Variants in PRMT3 observed in about 807,000 individuals in gnomAD.
PRMT3 encodes protein arginine N-methyltransferase 3.
A neutral mutation model predicts 71.9 loss-of-function variants in PRMT3; 62 were observed. That is an observed-to-expected ratio of 0.86 (90% CI 0.70 to 1.07). The LOEUF is 1.07. PRMT3 is among the 50% of genes least tolerant of loss of function. PRMT3 has a pLI of 0.00. For missense variants in PRMT3, 663 were observed against 643.0 expected (o/e 1.03, Z -0.34); for synonymous variants, 213 against 220.4 (o/e 0.97, Z 0.30).
chr11:20,477,673 G>A (rs1377193266), intron 13 of PRMT3, among the ~76,000 whole-genome samples: 1 of 152,074 alleles, frequency 6.6e-6, no homozygotes, highest in African/African-American at 2.4e-5. Context: ...AGATTTTCTT[G>A]AGGTACCTGA....
rs1188688863 is a variant in PRMT3, at chr11:20,508,599, G to A, written c.*186G>A. The stretch of plus-strand genomic sequence containing the variant: ...GTTCAGCTGAGGAAGAGAATCAGCT[G>A]ATCCTCATGGTCTGCCACGTAATCA... On this transcript the variant is annotated 3_prime_UTR_variant, in exon 16 of 16. Coordinates refer to ENST00000331079, the MANE Select transcript of PRMT3 (RefSeq NM_005788.4). The A allele has an allele frequency of 4.3e-6, 3 of 689,708 alleles. No individual in the cohort carries two copies. Among genetic ancestry groups the A allele is most frequent in the Non-Finnish European group, 8.0e-6 (3 of 375,580 alleles). 42.7% of individuals were successfully genotyped at this position (689,708 alleles called of 1,614,324 possible).
chr11:20,435,960 C>CACTTTCCATTTTTGGTGTGTTCCT (rs1197215584), intron 10 of PRMT3, among the ~76,000 whole-genome samples: 2 of 152,190 alleles, frequency 1.3e-5, no homozygotes, highest in Non-Finnish European at 2.9e-5. Context: ...AGCATGGGAT[C>CACTTTCCATTTTTGGTGTGTTCCT]ACTTTCCATT....
At chr11:20,426,958 T>C in intron 10 of PRMT3, 93 bp downstream of exon 10, 1 of 1,410,764 alleles carries the variant, frequency 7.1e-7, no homozygotes, top group East Asian at 3.1e-5. Flanking sequence ...ATTTGATACA[T>C]GGCAGAATGG....
At chr11:20,506,862 TGA>T (rs1374590233) in intron 15 of PRMT3, among the ~76,000 whole-genome samples, 2 of 152,182 alleles carry the variant, frequency 1.3e-5, no homozygotes, top group African/African-American at 4.8e-5. Flanking sequence ...AAAAATTAAA[TGA>T]GAAGTATTTA....
chr11:20,505,604 G>A (rs1458305325), intron 15 of PRMT3, among the ~76,000 whole-genome samples: 1 of 152,070 alleles, frequency 6.6e-6, no homozygotes, highest in Non-Finnish European at 1.5e-5. Flanking sequence ...GTGGCTGTTC[G>A]TTCCCAGTTT....
rs574087938 is a variant in PRMT3 at position 20,409,302 on chromosome 11, A to C, written c.893+1270A>C. 3.3e-5 allele frequency among the ~76,000 whole-genome samples: 5 copies of C among 152,306 alleles called. No homozygotes were observed. The East Asian group carries it at 9.7e-4, about 29-fold the overall frequency. ...AACCAGTACTTGGAACTTCGGTTAA[A>C]GTACATCTAACGTGTTAGAAATCTC... On this transcript the variant is annotated intron_variant, in intron 9 of 15. Transcript: ENST00000331079.
In PRMT3 at chr11:20,441,797, T is replaced by G. The variant is rs528526231; in HGVS notation, c.994-10333T>G. Among the ~76,000 whole-genome samples the G allele has an allele frequency of 4.0e-5, 6 of 150,912 alleles. No individual in the cohort carries two copies. The South Asian group carries it at 8.4e-4, about 21-fold the overall frequency. Reference sequence around the variant, plus strand: ...CCTACAATAGTTTCAGGTTTTTTTTTTTTTTTTTTTTTGAGATGGAGTTTT... The same window carrying G: ...CCTACAATAGTTTCAGGTTTTTTTTGTTTTTTTTTTTTGAGATGGAGTTTT... On this transcript the variant is annotated intron_variant, in intron 10 of 15. Coordinates refer to ENST00000331079, the MANE Select transcript of PRMT3 (RefSeq NM_005788.4).
chr11:20,446,157 C>T (rs1002839756), intron 10 of PRMT3, among the ~76,000 whole-genome samples: 1 of 151,992 alleles, frequency 6.6e-6, no homozygotes, highest in African/African-American at 2.4e-5. Flanking sequence ...AAGTACTGTA[C>T]TTTTCCAAAG....
At chr11:20,439,092 A>G (rs910217389) in intron 10 of PRMT3, among the ~76,000 whole-genome samples, 12 of 152,218 alleles carry the variant, frequency 7.9e-5, no homozygotes, top group East Asian at 5.8e-4. Context: ...CACTTCAGCC[A>G]TAGTTTCAAT....
intron 9 of PRMT3, among the ~76,000 whole-genome samples, chr11:20,411,283 CTT>C (rs1404935971): frequency 6.6e-6 from 1 of 152,020 alleles, no homozygotes; most frequent in Non-Finnish European, 1.5e-5. Context: ...TGTCTTCAGT[CTT>C]TTCTGTGTGT....
At chr11:20,420,957 T>G (rs1452750431) in intron 9 of PRMT3, among the ~76,000 whole-genome samples, 2 of 152,222 alleles carry the variant, frequency 1.3e-5, no homozygotes, top group Non-Finnish European at 2.9e-5. Flanking sequence ...ATACATACAT[T>G]AGAAAGAAGC....
At chr11:20,416,896 A>G (rs1018681647) in intron 9 of PRMT3, among the ~76,000 whole-genome samples, 3 of 152,220 alleles carry the variant, frequency 2.0e-5, no homozygotes, top group South Asian at 2.1e-4. Flanking sequence ...TTTTGTTGAC[A>G]TTTATGAATG....
intron 9 of PRMT3, among the ~76,000 whole-genome samples, chr11:20,412,732 CATTAA>C (rs1849221769): frequency 2.3e-5 from 1 of 44,402 alleles, no homozygotes; most frequent in Non-Finnish European, 1.5e-4. Flanking sequence ...AAATTGCTAA[CATTAA>C]TTTAGTTTTT....
chr11:20,484,387 T>C (rs936972110), intron 13 of PRMT3, among the ~76,000 whole-genome samples: 3 of 151,166 alleles, frequency 2.0e-5, no homozygotes, highest in African/African-American at 7.3e-5. Flanking sequence ...AGTTTAAGAA[T>C]TGGGGGGAGT....
chr11:20,493,224 A>T (rs187918616), intron 13 of PRMT3, among the ~76,000 whole-genome samples: 178 of 152,332 alleles, frequency 1.2e-3, no homozygotes, highest in African/African-American at 4.1e-3. Context: ...ATAAGATTTG[A>T]GTACTACTGT....
At chr11:20,431,464 A>C (rs527866946) in intron 10 of PRMT3, among the ~76,000 whole-genome samples, 117 of 152,282 alleles carry the variant, frequency 7.7e-4, no homozygotes, top group African/African-American at 2.6e-3. Context: ...CAGTTTTGAA[A>C]GTTATACAAA....
intron 13 of PRMT3, among the ~76,000 whole-genome samples, chr11:20,481,816 G>C (rs1850943962): frequency 6.6e-6 from 1 of 151,936 alleles, no homozygotes; most frequent in Admixed American, 6.6e-5. Flanking sequence ...TCCAACCCTA[G>C]AGAGTCAAGA....
intron 10 of PRMT3, among the ~76,000 whole-genome samples, chr11:20,447,727 G>A (rs191032358): frequency 2.0e-5 from 3 of 151,932 alleles, no homozygotes; most frequent in African/African-American, 4.8e-5. Flanking sequence ...CTCTAAACAC[G>A]TAAAGCCACC....
At chr11:20,427,393 T>A (rs1313100485) in intron 10 of PRMT3, among the ~76,000 whole-genome samples, 1 of 152,240 alleles carries the variant, frequency 6.6e-6, no homozygotes, top group Non-Finnish European at 1.5e-5. Flanking sequence ...TGAAATCTTT[T>A]GTCAAGACAG....
Sources: gnomAD v4.1 joint callset for allele counts (sites outside exome capture counted in the v4.1 genomes callset) on GRCh38, gnomAD v4.1.1 for gene constraint, MANE v1.5 for transcripts, NCBI Gene and HGNC (gene_info 2026-07-23, HGNC 2026-07-21) for gene names.